Variants in KSR2 observed in about 807,000 individuals in gnomAD.
KSR2 encodes the protein kinase suppressor of ras 2.
Under a neutral mutation model 107.8 loss-of-function variants are expected in KSR2, and 25 were observed. The ratio of observed to expected loss-of-function variants is 0.23; its 90% CI spans 0.17 to 0.32. The LOEUF is 0.32. Among genes scored for constraint, KSR2 ranks in the 10% least tolerant of loss-of-function variants. KSR2 has a pLI of 1.00. For synonymous variants in KSR2, 480 were observed against 507.0 expected, an observed-to-expected ratio of 0.95 and a Z score of 0.71; for missense variants, 887 against 1,268.9, an observed-to-expected ratio of 0.70 and a Z score of 4.57.
At chr12:117,859,219 C>T (rs990148467) in intron 2 of KSR2, among the ~76,000 whole-genome samples, 1 of 136,404 alleles carries the variant, frequency 7.3e-6, no homozygotes, top group Admixed American at 8.4e-5. Context: ...GATCTCAGTT[C>T]ACTGCAACAT....
At chr12:117,851,136 C>T (rs769579667) in intron 3 of KSR2, among the ~76,000 whole-genome samples, 22 of 152,170 alleles carry the variant, frequency 1.4e-4, no homozygotes, top group Non-Finnish European at 3.2e-4. Flanking sequence ...TAAAATGGAG[C>T]ACTTGGTCAT....
At chr12:117,848,479 G>A (rs969331978) in intron 3 of KSR2, among the ~76,000 whole-genome samples, 1 of 152,224 alleles carries the variant, frequency 6.6e-6, no homozygotes, top group Admixed American at 6.5e-5. Flanking sequence ...AGAGAAAACT[G>A]GTTTGAGGTT....
chr12:117,704,622 G>T (rs915897379), intron 4 of KSR2, among the ~76,000 whole-genome samples: 2 of 152,130 alleles, frequency 1.3e-5, no homozygotes, highest in Non-Finnish European at 2.9e-5. Context: ...ACTTTGGGAG[G>T]CCAAGCAGGT....
rs1592899265 is a variant in KSR2 at position 117,467,161 on chromosome 12, G to A, written c.*38C>T. 1 of 682,604 alleles carries A rather than the reference G, an allele frequency of 1.5e-6. No homozygotes were observed. The highest frequency in any genetic ancestry group is 2.7e-6 in the Non-Finnish European group (1 of 375,950). The allele number at this position is 682,604 out of a possible 1,614,324, so 42.3% of individuals were successfully genotyped here. A position where few individuals can be genotyped will look rare whatever the true frequency, so the allele number is the denominator to read the frequency against. The stretch of plus-strand genomic sequence containing the variant: ...CAGAGTAGGGAGGGAGAGGTGACGG[G>A]AGCCCAGGCAGCTGGGCGCCGTCCC... On this transcript the variant is annotated 3_prime_UTR_variant, in exon 20 of 20. Coordinates refer to ENST00000339824, the MANE Select transcript of KSR2 (RefSeq NM_173598.6).
At chr12:117,711,292 G>T (rs192839446) in intron 4 of KSR2, among the ~76,000 whole-genome samples, 1 of 152,356 alleles carries the variant, frequency 6.6e-6, no homozygotes, top group East Asian at 1.9e-4. Flanking sequence ...CTGAGTGGCT[G>T]AAACTGAGAT....
rs564616484 is a variant in KSR2, at chr12:117,666,613, TGATTAGC to T, written c.1171+854_1171+860del. The stretch of plus-strand genomic sequence containing the variant: ...AACTAAATGGGGCCCTGCCTGTGAG[TGATTAGC>T]ATGTATCAGGGCTCAGTGAACATGT... On this transcript the variant is annotated intron_variant, in intron 5 of 19. Transcript: ENST00000339824. 9.2e-5 allele frequency among the ~76,000 whole-genome samples: 14 copies of T among 152,302 alleles called. No individual in the cohort carries two copies. In the East Asian group the frequency reaches 2.5e-3, roughly 27 times the overall value.
intron 1 of KSR2, among the ~76,000 whole-genome samples, chr12:117,965,536 G>C (rs1896760101): frequency 6.6e-6 from 1 of 152,188 alleles, no homozygotes; most frequent in African/African-American, 2.4e-5. Flanking sequence ...TGTTTCTACA[G>C]AAGTGTATAC....
intron 1 of KSR2, among the ~76,000 whole-genome samples, chr12:117,875,333 A>T (rs1407676193): frequency 2.0e-4 from 27 of 138,012 alleles, no homozygotes; most frequent in East Asian, 4.2e-4. Context: ...CTTAGGTGCT[A>T]TTTTTTTTTT....
intron 4 of KSR2, among the ~76,000 whole-genome samples, chr12:117,671,606 T>C (rs572329960): frequency 6.6e-6 from 1 of 152,350 alleles, no homozygotes; most frequent in African/African-American, 2.4e-5. Flanking sequence ...CACACATGAC[T>C]GTAGGCTCCT....
intron 5 of KSR2, among the ~76,000 whole-genome samples, chr12:117,641,587 T>G (rs963733010): frequency 6.6e-6 from 1 of 152,170 alleles, no homozygotes; most frequent in African/African-American, 2.4e-5. Context: ...TCACATTGAA[T>G]TAAAGGCCCG....
At chr12:117,606,755 C>T (rs1214923331) in intron 5 of KSR2, among the ~76,000 whole-genome samples, 2 of 146,986 alleles carry the variant, frequency 1.4e-5, no homozygotes, top group Admixed American at 6.8e-5. Flanking sequence ...TCTCTCCTTC[C>T]CTTACCTTCC....
intron 4 of KSR2, among the ~76,000 whole-genome samples, chr12:117,738,083 A>G (rs1284418363): frequency 6.6e-6 from 1 of 152,152 alleles, no homozygotes; most frequent in African/African-American, 2.4e-5. Context: ...GGCAGAAGAC[A>G]ACACTATCCC....
chr12:117,819,123 A>AC (rs1229826242), intron 3 of KSR2, among the ~76,000 whole-genome samples: 1 of 152,026 alleles, frequency 6.6e-6, no homozygotes, highest in Non-Finnish European at 1.5e-5. Context: ...CTAGGTCTGT[A>AC]CCGCCCCCTC....
At chr12:117,798,626 C>CT (rs1309913983) in intron 3 of KSR2, among the ~76,000 whole-genome samples, 1 of 151,236 alleles carries the variant, frequency 6.6e-6, no homozygotes, top group Non-Finnish European at 1.5e-5. Context: ...GAGTGAGACT[C>CT]TGTCTCAAAA....
intron 1 of KSR2, among the ~76,000 whole-genome samples, chr12:117,945,445 C>T (rs1308072006): frequency 3.3e-5 from 5 of 152,162 alleles, no homozygotes; most frequent in African/African-American, 1.2e-4. Context: ...GAGGCCAAGG[C>T]AGGTGGATCA....
intron 1 of KSR2, among the ~76,000 whole-genome samples, chr12:117,958,397 T>C (rs146319027): frequency 1.3e-5 from 2 of 152,222 alleles, no homozygotes; most frequent in African/African-American, 2.4e-5. Flanking sequence ...AACTTTTGCA[T>C]ATCCTTTGAT....
chr12:117,731,397 GC>G (rs1887693728), intron 4 of KSR2, among the ~76,000 whole-genome samples: 1 of 141,308 alleles, frequency 7.1e-6, no homozygotes, highest in South Asian at 2.2e-4. Flanking sequence ...CCCAGCAGCC[GC>G]CCCGTCCGGG....
intron 4 of KSR2, among the ~76,000 whole-genome samples, chr12:117,709,621 C>T (rs1437975234): frequency 2.6e-5 from 4 of 152,196 alleles, no homozygotes; most frequent in African/African-American, 9.7e-5. Flanking sequence ...CCTGGCAGCT[C>T]TCTGTTTTAT....
intron 4 of KSR2, among the ~76,000 whole-genome samples, chr12:117,702,098 C>T (rs1886350576): frequency 1.3e-5 from 2 of 152,178 alleles, no homozygotes; most frequent in Non-Finnish European, 1.5e-5. Flanking sequence ...CTCCCTTGCC[C>T]ACTCCAGGGC....
Sources: gnomAD v4.1 joint callset for allele counts (sites outside exome capture counted in the v4.1 genomes callset) on GRCh38, gnomAD v4.1.1 for gene constraint, MANE v1.5 for transcripts, NCBI Gene and HGNC (gene_info 2026-07-23, HGNC 2026-07-21) for gene names.